CACNA2D1: variants seen among roughly 807,000 people sequenced by gnomAD.
The protein encoded by CACNA2D1 is calcium voltage-gated channel auxiliary subunit alpha2delta 1.
In CACNA2D1, 53 loss-of-function variants were observed where a neutral mutation model predicts 171.5. The ratio of observed to expected loss-of-function variants is 0.31; its 90% CI spans 0.25 to 0.39. CACNA2D1 has a LOEUF of 0.39. Among genes scored for constraint, CACNA2D1 ranks in the 10% least tolerant of loss-of-function variants. CACNA2D1 has a pLI of 1.00. For missense variants in CACNA2D1, 903 were observed against 1,299.8 expected (o/e 0.69, Z 4.69); for synonymous variants, 442 against 443.1 (o/e 1.00, Z 0.03).
intron 3 of CACNA2D1, among the ~76,000 whole-genome samples, chr7:82,333,736 G>A (rs1280385165): frequency 1.3e-5 from 2 of 151,362 alleles, no homozygotes; most frequent in Non-Finnish European, 2.9e-5. Flanking sequence ...CTAGGGGAAG[G>A]CAAACTAATT....
Position 82,401,284 on chromosome 7 carries a change from T to C in CACNA2D1, c.95+42081A>G, listed in dbSNP as rs377324446. Reference sequence around the variant, plus strand: ...ATGTTTATTGCAGCACTATTCACAATAGCAAAGACTTGGAACCAACCCAAA... The same window carrying C: ...ATGTTTATTGCAGCACTATTCACAACAGCAAAGACTTGGAACCAACCCAAA... On this transcript the variant is annotated intron_variant, in intron 1 of 38. Coordinates refer to ENST00000356860, the MANE Select transcript of CACNA2D1 (RefSeq NM_000722.4). 6.0e-3 allele frequency among the ~76,000 whole-genome samples: 917 copies of C among 151,914 alleles called. 12 individuals are homozygous for C. Among genetic ancestry groups the C allele is most frequent in the African/African-American group, 0.021 (858 of 41,400 alleles).
chr7:82,108,617 ACTAT>A (rs1193541877), intron 6 of CACNA2D1, among the ~76,000 whole-genome samples: 41 of 152,194 alleles, frequency 2.7e-4, no homozygotes, highest in Non-Finnish European at 8.8e-5. Flanking sequence ...TTAAAAAACC[ACTAT>A]CTATATGATA....
chr7:82,240,783 A>G (rs914025602), intron 3 of CACNA2D1, among the ~76,000 whole-genome samples: 2 of 152,086 alleles, frequency 1.3e-5, no homozygotes, highest in Non-Finnish European at 2.9e-5. Flanking sequence ...CCTGGCCAAC[A>G]TGGTGAAACC....
At chr7:82,352,157 G>A (rs1252503460) in intron 1 of CACNA2D1, among the ~76,000 whole-genome samples, 1 of 152,104 alleles carries the variant, frequency 6.6e-6, no homozygotes, top group East Asian at 1.9e-4. Flanking sequence ...CTGACAAGCT[G>A]TTAGGAACAC....
chr7:82,234,934 G>A (rs1044511495), intron 3 of CACNA2D1, among the ~76,000 whole-genome samples: 1 of 152,046 alleles, frequency 6.6e-6, no homozygotes, highest in Non-Finnish European at 1.5e-5. Context: ...AAGTATGATC[G>A]TTTGTGAGAA....
At chr7:81,957,882 G>C (rs1267572558) in intron 38 of CACNA2D1, among the ~76,000 whole-genome samples, 1 of 152,036 alleles carries the variant, frequency 6.6e-6, no homozygotes, top group Non-Finnish European at 1.5e-5. Flanking sequence ...TTGGGCAATA[G>C]GCTTTTAAGT....
At chr7:81,956,227 G>A (rs1419034985) in intron 38 of CACNA2D1, among the ~76,000 whole-genome samples, 10 of 151,710 alleles carry the variant, frequency 6.6e-5, no homozygotes, top group African/African-American at 2.2e-4. Context: ...ACCCACCTCG[G>A]CCTCCCAAAG....
intron 38 of CACNA2D1, 91 bp downstream of exon 38, chr7:81,959,184 T>C: frequency 2.3e-6 from 2 of 882,858 alleles, no homozygotes; most frequent in Non-Finnish European, 3.9e-6. Context: ...GACATTACGT[T>C]TGAGTTAAAA....
intron 3 of CACNA2D1, among the ~76,000 whole-genome samples, chr7:82,313,278 G>T (rs1814700907): frequency 2.0e-5 from 3 of 152,158 alleles, no homozygotes; most frequent in Admixed American, 6.5e-5. Context: ...AAACCAAAAA[G>T]ATTTCACCCT....
intron 9 of CACNA2D1, 118 bp downstream of exon 9, chr7:82,064,186 T>C (rs1807316420): frequency 3.2e-6 from 2 of 629,248 alleles, no homozygotes; most frequent in African/African-American, 1.8e-5. Flanking sequence ...AAAGTCATCA[T>C]AATTTTTCTT....
At chr7:82,025,817 C>G (rs1801823093) in intron 12 of CACNA2D1, among the ~76,000 whole-genome samples, 1 of 151,606 alleles carries the variant, frequency 6.6e-6, no homozygotes, top group African/African-American at 2.4e-5. Flanking sequence ...TAGTGTTGTT[C>G]AAGTCCTCTG....
At chr7:82,033,761 C>T (rs1374737136) in intron 11 of CACNA2D1, among the ~76,000 whole-genome samples, 1 of 151,976 alleles carries the variant, frequency 6.6e-6, no homozygotes. Context: ...CACCAAAGGG[C>T]CATTAAAATG....
chr7:82,074,946 T>C lies in CACNA2D1; in HGVS notation c.659-8422A>G, dbSNP rs182453240. Among the ~76,000 whole-genome samples the C allele has an allele frequency of 2.5e-3, 378 of 152,142 alleles. 2 individuals are homozygous for C. The highest frequency in any genetic ancestry group is 8.3e-3 in the African/African-American group (345 of 41,532). The stretch of plus-strand genomic sequence containing the variant: ...GTTACATAGGTACACATGTGCCACG[T>C]TGGTCTGCTACACCCATCAACCCGT... On this transcript the variant is annotated intron_variant, in intron 7 of 38. Coordinates refer to ENST00000356860, the MANE Select transcript of CACNA2D1 (RefSeq NM_000722.4).
At chr7:82,125,091 T>C (rs1025482576) in intron 5 of CACNA2D1, among the ~76,000 whole-genome samples, 1 of 152,182 alleles carries the variant, frequency 6.6e-6, no homozygotes, top group African/African-American at 2.4e-5. Context: ...TTAATTTTAA[T>C]GTAGACAAGA....
intron 5 of CACNA2D1, among the ~76,000 whole-genome samples, chr7:82,120,232 A>G (rs960630496): frequency 6.6e-6 from 1 of 152,096 alleles, no homozygotes; most frequent in African/African-American, 2.4e-5. Flanking sequence ...ATCCTGTGTG[A>G]TGAAACAAGC....
At chr7:81,972,669 C>T (rs1397956700) in intron 25 of CACNA2D1, among the ~76,000 whole-genome samples, 1 of 151,916 alleles carries the variant, frequency 6.6e-6, no homozygotes, top group Non-Finnish European at 1.5e-5. Context: ...AAAACCTCTG[C>T]CTTCTTCCCA....
Position 82,206,110 on chromosome 7 carries a change from GAAT to G in CACNA2D1, c.295-35504_295-35502del, listed in dbSNP as rs531077161. 1.1e-4 allele frequency among the ~76,000 whole-genome samples: 17 copies of G among 152,066 alleles called. No homozygotes were observed. In the East Asian group the frequency reaches 3.3e-3, roughly 29 times the overall value. Reference sequence around the variant, plus strand: ...ATATGTACTTAACAAAATATGACTTGAATGTAAATGTTTTGAGTTTCTTTTTTC... The same window carrying G: ...ATATGTACTTAACAAAATATGACTTGGTAAATGTTTTGAGTTTCTTTTTTC... On this transcript the variant is annotated intron_variant, in intron 3 of 38. Coordinates refer to ENST00000356860, the MANE Select transcript of CACNA2D1 (RefSeq NM_000722.4).
chr7:82,277,275 T>C (rs2129363707), intron 3 of CACNA2D1, among the ~76,000 whole-genome samples: 1 of 152,240 alleles, frequency 6.6e-6, no homozygotes, highest in South Asian at 2.1e-4. Context: ...CAATCTCGGC[T>C]CATTGCAACC....
chr7:82,132,265 G>A (rs1463966739), intron 5 of CACNA2D1, among the ~76,000 whole-genome samples: 4 of 152,176 alleles, frequency 2.6e-5, no homozygotes, highest in Non-Finnish European at 5.9e-5. Flanking sequence ...TGAGTAGAGT[G>A]TTTGCACTAA....
Sources: allele counts gnomAD v4.1 joint callset (sites outside exome capture counted in the v4.1 genomes callset), GRCh38; gene constraint gnomAD v4.1.1; transcripts MANE v1.5; gene names NCBI Gene and HGNC (gene_info 2026-07-23, HGNC 2026-07-21).